TENM3: variants seen among roughly 807,000 people sequenced by gnomAD.
The protein encoded by TENM3 is teneurin-3.
In TENM3, 63 loss-of-function variants were observed where a neutral mutation model predicts 255.1. That is an observed-to-expected ratio of 0.25 (90% CI 0.20 to 0.30). The LOEUF (loss-of-function observed/expected upper bound fraction) is 0.30, where lower values mean the gene tolerates loss of function less well. Among genes scored for constraint, TENM3 ranks in the 10% least tolerant of loss-of-function variants. The probability of loss-of-function intolerance (pLI) is 1.00; values close to 1 mark genes in which losing one functional copy is unlikely to be tolerated. For missense variants in TENM3, 2,929 were observed against 3,461.1 expected, an observed-to-expected ratio of 0.85 and a Z score of 3.86; for synonymous variants, 1,306 against 1,322.3, an observed-to-expected ratio of 0.99 and a Z score of 0.27.
chr4:182,138,759 C>T, the TENM3 span, among the ~76,000 whole-genome samples: 3 of 152,310 alleles, frequency 2.0e-5, no homozygotes, highest in South Asian at 6.2e-4. Context: ...TCATATCCTA[C>T]TGAAAAAGAG....
chr4:181,693,710 G>T, the TENM3 span, among the ~76,000 whole-genome samples: 1 of 152,082 alleles, frequency 6.6e-6, no homozygotes, highest in Non-Finnish European at 1.5e-5. Context: ...TCTCCGTGGT[G>T]CCTAGGTCAA....
At chr4:181,670,956 T>C in the TENM3 span, among the ~76,000 whole-genome samples, 1 of 152,218 alleles carries the variant, frequency 6.6e-6, no homozygotes, top group African/African-American at 2.4e-5. Flanking sequence ...TGGCAAATTA[T>C]ATCATTTCTT....
chr4:181,854,503 A>G, the TENM3 span, among the ~76,000 whole-genome samples: 1 of 152,198 alleles, frequency 6.6e-6, no homozygotes, highest in Non-Finnish European at 1.5e-5. Context: ...CCCCTTTCCA[A>G]CTGGCAATAA....
chr4:181,994,028 A>G, the TENM3 span, among the ~76,000 whole-genome samples: 2 of 152,162 alleles, frequency 1.3e-5, no homozygotes, highest in Non-Finnish European at 2.9e-5. Flanking sequence ...ATCATGAAAT[A>G]TATTCATTAC....
chr4:182,351,940 T>G (rs1765208320), intron 3 of TENM3, among the ~76,000 whole-genome samples: 1 of 152,250 alleles, frequency 6.6e-6, no homozygotes, highest in African/African-American at 2.4e-5. Context: ...ATCTAGTGAG[T>G]TCCGAATAAG....
the TENM3 span, among the ~76,000 whole-genome samples, chr4:181,597,423 C>T: frequency 2.6e-5 from 4 of 152,158 alleles, no homozygotes; most frequent in East Asian, 1.9e-4. Context: ...CTTCTTTCTA[C>T]GTTATGTTCC....
the TENM3 span, among the ~76,000 whole-genome samples, chr4:181,807,581 G>T: frequency 6.6e-6 from 1 of 152,128 alleles, no homozygotes; most frequent in Non-Finnish European, 1.5e-5. Flanking sequence ...TTGAACTCCC[G>T]ACCTCAGGTG....
At chr4:181,693,751 C>G in the TENM3 span, among the ~76,000 whole-genome samples, 1 of 152,092 alleles carries the variant, frequency 6.6e-6, no homozygotes, top group Admixed American at 6.6e-5. Context: ...AAATCCTACC[C>G]TCAGGCAGAA....
At chr4:181,706,675 G>T in the TENM3 span, among the ~76,000 whole-genome samples, 49 of 152,292 alleles carry the variant, frequency 3.2e-4, no homozygotes, top group South Asian at 0.01. Context: ...GAAGGAAGCT[G>T]GTTCCGCATT....
At chr4:182,761,598 GTATACACACACACACACT>G (rs1763200744) in intron 22 of TENM3, among the ~76,000 whole-genome samples, 1 of 151,676 alleles carries the variant, frequency 6.6e-6, no homozygotes. Context: ...AAGTATATAT[GTATACACACACACACACT>G]TATACACACA....
At chr4:181,795,973 A>C in the TENM3 span, among the ~76,000 whole-genome samples, 6 of 152,212 alleles carry the variant, frequency 3.9e-5, no homozygotes, top group Non-Finnish European at 8.8e-5. Flanking sequence ...TATCCAGACA[A>C]GAAAGGCTAG....
chr4:181,680,385 A>G, the TENM3 span, among the ~76,000 whole-genome samples: 1 of 152,156 alleles, frequency 6.6e-6, no homozygotes, highest in Admixed American at 6.6e-5. Context: ...ATCACTTTTA[A>G]TTTGTCAAAA....
intron 4 of TENM3, among the ~76,000 whole-genome samples, chr4:182,603,224 T>C (rs937915905): frequency 3.9e-5 from 6 of 152,176 alleles, no homozygotes; most frequent in Non-Finnish European, 7.4e-5. Flanking sequence ...ATCACTCCCA[T>C]GGTGAGTAGT....
chr4:181,594,527 G>T, the TENM3 span, among the ~76,000 whole-genome samples: 11 of 152,202 alleles, frequency 7.2e-5, no homozygotes, highest in African/African-American at 2.6e-4. Flanking sequence ...CCCATTCCAA[G>T]ACTCCATTTC....
chr4:182,300,306 G>A (rs1561296556), intron 1 of TENM3, among the ~76,000 whole-genome samples: 2 of 152,070 alleles, frequency 1.3e-5, no homozygotes, highest in Non-Finnish European at 2.9e-5. Context: ...AGGAAGGGAA[G>A]GAGGGAGGGA....
At chr4:181,628,086 A>G in the TENM3 span, among the ~76,000 whole-genome samples, 1 of 152,194 alleles carries the variant, frequency 6.6e-6, no homozygotes, top group Non-Finnish European at 1.5e-5. Flanking sequence ...TCTGATGGCC[A>G]GTGATGATGA....
intron 3 of TENM3, among the ~76,000 whole-genome samples, chr4:182,405,256 A>G (rs150299156): frequency 2.0e-5 from 3 of 152,288 alleles, no homozygotes; most frequent in African/African-American, 7.2e-5. Flanking sequence ...GCTACAATCT[A>G]TCGCTTCTCC....
intron 3 of TENM3, among the ~76,000 whole-genome samples, chr4:182,571,487 C>G (rs1190883634): frequency 6.6e-6 from 1 of 152,236 alleles, no homozygotes; most frequent in Admixed American, 6.5e-5. Flanking sequence ...GATGGCACCA[C>G]TCTATTCCCA....
intron 1 of TENM3, among the ~76,000 whole-genome samples, chr4:182,162,123 GTCC>G (rs1197035189): frequency 6.6e-6 from 1 of 151,528 alleles, no homozygotes; most frequent in Non-Finnish European, 1.5e-5. Context: ...GGCTCAAGCA[GTCC>G]TCCTGCCTCA....
Sources: allele counts gnomAD v4.1 joint callset (sites outside exome capture counted in the v4.1 genomes callset), GRCh38; gene constraint gnomAD v4.1.1; transcripts MANE v1.5; gene names NCBI Gene and HGNC (gene_info 2026-07-23, HGNC 2026-07-21).